Variants in ACSS3 observed in about 807,000 individuals in gnomAD.
ACSS3 encodes the protein acyl-CoA synthetase short-chain family member 3, mitochondrial.
ACSS3 carries 64 observed loss-of-function variants against 84.2 expected under a neutral mutation model. That is an observed-to-expected ratio of 0.76 (90% CI 0.62 to 0.94). The LOEUF is 0.94. Among genes scored for constraint, ACSS3 ranks in the 40% least tolerant of loss-of-function variants. ACSS3 has a pLI of 0.00. For missense variants in ACSS3, 815 were observed against 867.6 expected (o/e 0.94, Z 0.76); for synonymous variants, 317 against 310.1 (o/e 1.02, Z -0.23).
intron 7 of ACSS3, 72 bp from the exon 8 acceptor site, chr12:81,174,716 G>A (rs2030341747): frequency 1.4e-6 from 2 of 1,456,948 alleles, no homozygotes; most frequent in Non-Finnish European, 1.9e-6. Flanking sequence ...TGTGTTAAAT[G>A]TATAACTATT....
chr12:81,126,395 G>A (rs1466390276), intron 2 of ACSS3, among the ~76,000 whole-genome samples: 1 of 152,164 alleles, frequency 6.6e-6, no homozygotes, highest in Non-Finnish European at 1.5e-5. Context: ...GTCCTGTTGT[G>A]TGTTAATAAC....
chr12:81,205,412 T>A (rs550651775), intron 9 of ACSS3, among the ~76,000 whole-genome samples: 1 of 152,242 alleles, frequency 6.6e-6, no homozygotes, highest in South Asian at 2.1e-4. Context: ...CTTAGGGATA[T>A]CTGGAGAAGA....
At chr12:81,084,404 A>C (rs559425942) in intron 1 of ACSS3, among the ~76,000 whole-genome samples, 2 of 152,300 alleles carry the variant, frequency 1.3e-5, no homozygotes, top group Admixed American at 1.3e-4. Context: ...ATTAAATTAC[A>C]CATAGTGACT....
intron 12 of ACSS3, among the ~76,000 whole-genome samples, chr12:81,231,494 A>T (rs1391176098): frequency 2.0e-5 from 3 of 151,806 alleles, no homozygotes; most frequent in African/African-American, 7.2e-5. Context: ...GAGAGCAGCA[A>T]ATCAGAATTA....
intron 13 of ACSS3, among the ~76,000 whole-genome samples, chr12:81,252,266 T>G (rs79256520): frequency 0.014 from 2,070 of 152,262 alleles, 38 homozygotes; most frequent in African/African-American, 0.047. Flanking sequence ...ATCACTTTTG[T>G]ATTTAGACAT....
At chr12:81,088,430 T>G (rs1343516217) in intron 1 of ACSS3, among the ~76,000 whole-genome samples, 1 of 152,070 alleles carries the variant, frequency 6.6e-6, no homozygotes, top group Non-Finnish European at 1.5e-5. Context: ...CATTGTCAGG[T>G]ATATCATAAA....
At chr12:81,213,692 GCTGCCC>G (rs2032719601) in intron 9 of ACSS3, among the ~76,000 whole-genome samples, 1 of 27,364 alleles carries the variant, frequency 3.7e-5, no homozygotes, top group South Asian at 2.4e-3. Context: ...ACCCACCTCT[GCTGCCC>G]TCCTCTCCCC....
chr12:81,090,605 A>G (rs1004747762), intron 1 of ACSS3, among the ~76,000 whole-genome samples: 3 of 151,986 alleles, frequency 2.0e-5, no homozygotes, highest in African/African-American at 7.2e-5. Flanking sequence ...AGAACCTCAA[A>G]TAATCCACAA....
At chr12:81,159,479 G>T (rs1887044553) in intron 7 of ACSS3, among the ~76,000 whole-genome samples, 1 of 152,138 alleles carries the variant, frequency 6.6e-6, no homozygotes, top group African/African-American at 2.4e-5. Context: ...AGTCAGTGCA[G>T]TATGAGATGT....
intron 2 of ACSS3, among the ~76,000 whole-genome samples, chr12:81,127,620 A>G (rs1288590687): frequency 6.6e-6 from 1 of 152,156 alleles, no homozygotes. Context: ...TGGTTTTTAA[A>G]TTAGTTTTAT....
At chr12:81,184,562 A>C (rs2031142078) in intron 8 of ACSS3, among the ~76,000 whole-genome samples, 1 of 151,830 alleles carries the variant, frequency 6.6e-6, no homozygotes, top group Non-Finnish European at 1.5e-5. Flanking sequence ...AGACTGAAAT[A>C]AATAAAATCA....
intron 4 of ACSS3, among the ~76,000 whole-genome samples, chr12:81,142,445 G>A (rs1886138261): frequency 6.6e-6 from 1 of 152,112 alleles, no homozygotes; most frequent in Non-Finnish European, 1.5e-5. Flanking sequence ...TTTCTTTAAA[G>A]GAGTATCTGT....
chr12:81,140,546 A>G (rs773778346), intron 4 of ACSS3, among the ~76,000 whole-genome samples: 2 of 152,214 alleles, frequency 1.3e-5, no homozygotes, highest in Non-Finnish European at 2.9e-5. Flanking sequence ...CCACCTAGCA[A>G]TTCCCATTAC....
At chr12:81,102,318 C>G (rs999077054) in intron 1 of ACSS3, among the ~76,000 whole-genome samples, 8 of 152,154 alleles carry the variant, frequency 5.3e-5, no homozygotes, top group Non-Finnish European at 8.8e-5. Context: ...TGTTCCTGTT[C>G]CACAAGTCTT....
chr12:81,219,668 T>G (rs1002608741), intron 10 of ACSS3, among the ~76,000 whole-genome samples: 10 of 152,112 alleles, frequency 6.6e-5, no homozygotes, highest in Non-Finnish European at 1.3e-4. Flanking sequence ...AAAACTTCAT[T>G]TCCTTTACTT....
chr12:81,179,384 T>G (rs1210456867), intron 8 of ACSS3, among the ~76,000 whole-genome samples: 1 of 142,130 alleles, frequency 7.0e-6, no homozygotes, highest in Non-Finnish European at 1.5e-5. Flanking sequence ...ATCAACAGAG[T>G]AAACAGACAA....
intron 7 of ACSS3, among the ~76,000 whole-genome samples, chr12:81,157,546 C>T (rs528825652): frequency 6.2e-4 from 95 of 152,276 alleles, no homozygotes; most frequent in Non-Finnish European, 1.1e-3. Context: ...CGGTGGCTCA[C>T]GCCTGTAATC....
intron 9 of ACSS3, among the ~76,000 whole-genome samples, chr12:81,214,758 G>A (rs2032839055): frequency 1.3e-5 from 2 of 152,114 alleles, no homozygotes; most frequent in African/African-American, 2.4e-5. Context: ...GAGTGATAAC[G>A]TCTTTCATGA....
chr12:81,220,503 C>T (rs2033068021), intron 11 of ACSS3, among the ~76,000 whole-genome samples: 1 of 151,890 alleles, frequency 6.6e-6, no homozygotes, highest in African/African-American at 2.4e-5. Context: ...GGGTATATTG[C>T]ATAATCCTAG....
Sources: allele counts gnomAD v4.1 joint callset (sites outside exome capture counted in the v4.1 genomes callset), GRCh38; gene constraint gnomAD v4.1.1; transcripts MANE v1.5; gene names NCBI Gene and HGNC (gene_info 2026-07-23, HGNC 2026-07-21).